NDRG4: variants seen among roughly 807,000 people sequenced by gnomAD.
The protein encoded by NDRG4 is protein NDRG4.
A neutral mutation model predicts 55.8 loss-of-function variants in NDRG4; 38 were observed. That is an observed-to-expected ratio of 0.68 (90% confidence interval 0.53 to 0.89). The LOEUF (loss-of-function observed/expected upper bound fraction) is 0.89. NDRG4 is among the 40% of genes least tolerant of loss of function. The pLI is 0.00. For missense variants in NDRG4, 455 were observed against 468.6 expected (o/e 0.97, Z 0.27); for synonymous variants, 190 against 182.7 (o/e 1.04, Z -0.32).
downstream of NDRG4, among the ~76,000 whole-genome samples, chr16:58,514,869 C>CATGCT: frequency 6.6e-6 from 1 of 151,692 alleles, no homozygotes; most frequent in Non-Finnish European, 1.5e-5. Context: ...CATTTAACAG[C>CATGCT]ATGCTACTTC....
rs2038889559 is a variant in NDRG4 at position 58,512,205 on chromosome 16, C to G, written c.*629C>G. On this transcript the variant is annotated 3_prime_UTR_variant, in exon 15 of 15. Transcript: ENST00000570248. Reference sequence around the variant, plus strand: ...AGGAAGACAGAACATGGAGAACCGTCAGGGCAGGAACCCCACAGACTGTCC... The same window carrying G: ...AGGAAGACAGAACATGGAGAACCGTGAGGGCAGGAACCCCACAGACTGTCC... The G allele has an allele frequency of 1.2e-5, 5 of 427,202 alleles. No individual in the cohort carries two copies. The Admixed American group carries it at 1.2e-4, about 11-fold the overall frequency. 26.5% of individuals were successfully genotyped at this position (427,202 alleles called of 1,614,324 possible). A position where few individuals can be genotyped will look rare whatever the true frequency, so the allele number is the denominator to read the frequency against.
chr16:58,502,093 C>T (rs1400920360), intron 1 of NDRG4: 2 of 433,984 alleles, frequency 4.6e-6, no homozygotes, highest in African/African-American at 4.0e-5. Context: ...CCGCCCTGGC[C>T]CCTGAGACTG....
In NDRG4 at chr16:58,504,438, C is replaced by A. The variant is rs1180124726; in HGVS notation, c.311+17C>A. 1.2e-6 allele frequency: 2 copies of A among 1,612,392 alleles called. No individual in the cohort carries two copies. The highest frequency in any genetic ancestry group is 1.1e-5 in the South Asian group (1 of 91,054). The stretch of plus-strand genomic sequence containing the variant: ...GCATTTCGGGTGAGTCCCCGCACAG[C>A]CCCTGCGCTAGGGCCCAGGGGTGCC... On this transcript the variant is annotated intron_variant, in intron 4 of 14. Coordinates refer to ENST00000570248, the MANE Select transcript of NDRG4 (RefSeq NM_001242835.2).
chr16:58,511,239 C>G, intron 14 of NDRG4, 183 bp from the exon 15 acceptor site: 1 of 670,380 alleles, frequency 1.5e-6, no homozygotes, highest in East Asian at 2.6e-5. Context: ...CCTAGGCCCA[C>G]TCACTGTCGC....
At chr16:58,484,633 G>A (rs1179664505) in intron 1 of NDRG4, among the ~76,000 whole-genome samples, 3 of 152,154 alleles carry the variant, frequency 2.0e-5, no homozygotes, top group Non-Finnish European at 2.9e-5. Flanking sequence ...CTGCACACGC[G>A]TCTCCTGGGA....
chr16:58,488,063 G>T (rs1003893022), intron 2 of NDRG4, among the ~76,000 whole-genome samples: 12 of 152,182 alleles, frequency 7.9e-5, no homozygotes, highest in African/African-American at 2.4e-4. Flanking sequence ...GAGGCTAAAG[G>T]CGCCACAGGA....
At chr16:58,470,100 G>A (rs1463923533) in intron 1 of NDRG4, among the ~76,000 whole-genome samples, 1 of 152,212 alleles carries the variant, frequency 6.6e-6, no homozygotes, top group African/African-American at 2.4e-5. Flanking sequence ...AGGATTGCAT[G>A]TGGTTTTTAC....
At chr16:58,488,740 A>G (rs1359983289) in intron 2 of NDRG4, among the ~76,000 whole-genome samples, 6 of 152,160 alleles carry the variant, frequency 3.9e-5, no homozygotes. Context: ...CAGGGATCCA[A>G]CCACATGAGG....
intron 1 of NDRG4, among the ~76,000 whole-genome samples, chr16:58,483,830 T>C (rs1416904398): frequency 6.6e-6 from 1 of 152,204 alleles, no homozygotes; most frequent in East Asian, 1.9e-4. Context: ...TTTGGGAGGC[T>C]GAGGTAGGAG....
intron 1 of NDRG4, among the ~76,000 whole-genome samples, chr16:58,473,263 G>A (rs1243289890): frequency 6.6e-6 from 1 of 151,892 alleles, no homozygotes; most frequent in Non-Finnish European, 1.5e-5. Flanking sequence ...GGGCTCAAGC[G>A]ATCCTCACGC....
At chr16:58,503,938 G>A (rs1293144601) in intron 2 of NDRG4, 35 bp downstream of exon 2, 4 of 1,608,964 alleles carry the variant, frequency 2.5e-6, no homozygotes, top group Admixed American at 1.7e-5. Context: ...GCCCTCCTCT[G>A]CCTCCCATCA....
At chr16:58,484,883 CTTT>C (rs572251728) in intron 1 of NDRG4, among the ~76,000 whole-genome samples, 446 of 133,818 alleles carry the variant, frequency 3.3e-3, no homozygotes, top group African/African-American at 0.012. Flanking sequence ...TCATAACTTA[CTTT>C]TTTTTTTTTT....
In NDRG4 at chr16:58,507,803, C is replaced by T; in HGVS notation, c.621-5C>T. ...TCTGCCTCTGCCCCTCCCCCTGCCCCACAGCCGCAGAGACCTGGACATTAA... is the reference window on the plus strand; with the variant it reads ...TCTGCCTCTGCCCCTCCCCCTGCCCTACAGCCGCAGAGACCTGGACATTAA... On this transcript the variant is annotated splice_polypyrimidine_tract_variant and splice_region_variant and intron_variant, in intron 8 of 14. Coordinates refer to ENST00000570248, the MANE Select transcript of NDRG4 (RefSeq NM_001242835.2). 1 of 1,613,458 alleles carries T rather than the reference C, an allele frequency of 6.2e-7. No individual in the cohort carries two copies. The highest frequency in any genetic ancestry group is 1.3e-5 in the African/African-American group (1 of 75,054).
chr16:58,468,386 C>T (rs975290933), intron 1 of NDRG4, among the ~76,000 whole-genome samples: 3 of 152,162 alleles, frequency 2.0e-5, no homozygotes, highest in South Asian at 2.1e-4. Context: ...TACCTTCTTT[C>T]GGCCTCAGTC....
intron 7 of NDRG4, 64 bp from the exon 8 acceptor site, chr16:58,506,848 C>A: frequency 6.8e-7 from 1 of 1,463,806 alleles, no homozygotes; most frequent in East Asian, 2.3e-5. Flanking sequence ...TCTGCCAGCC[C>A]CCTCTAAGCC....
chr16:58,508,809 A>C (rs1445339767), intron 10 of NDRG4, among the ~76,000 whole-genome samples, 153 bp from the exon 11 acceptor site: 1 of 152,200 alleles, frequency 6.6e-6, no homozygotes, highest in Non-Finnish European at 1.5e-5. Flanking sequence ...CTGGGAGAAG[A>C]AAGCCTGGGA....
At chr16:58,473,714 C>T (rs992495764) in intron 1 of NDRG4, among the ~76,000 whole-genome samples, 1 of 152,140 alleles carries the variant, frequency 6.6e-6, no homozygotes, top group African/African-American at 2.4e-5. Flanking sequence ...ACTTCAGCCA[C>T]CTCCTGCACT....
At chr16:58,493,850 G>C (rs771563492) in intron 2 of NDRG4, among the ~76,000 whole-genome samples, 1 of 152,184 alleles carries the variant, frequency 6.6e-6, no homozygotes, top group Non-Finnish European at 1.5e-5. Context: ...AAAGTGGCCC[G>C]AGTCTGAGCT....
intron 7 of NDRG4, 106 bp downstream of exon 7, chr16:58,506,720 C>A: frequency 7.5e-7 from 1 of 1,330,918 alleles, no homozygotes. Flanking sequence ...CTGGCTCACT[C>A]CAGATGCTAA....
Sources: allele counts gnomAD v4.1 joint callset (sites outside exome capture counted in the v4.1 genomes callset), GRCh38; gene constraint gnomAD v4.1.1; transcripts MANE v1.5; gene names NCBI Gene and HGNC (gene_info 2026-07-23, HGNC 2026-07-21).